The following ASPA variants were observed in gnomAD, a reference collection of about 807,000 sequenced individuals.
ASPA encodes ACY-2.
Under a neutral mutation model 29.6 loss-of-function variants are expected in ASPA, and 25 were observed. The ratio of observed to expected loss-of-function variants is 0.85; its 90% CI spans 0.62 to 1.18. ASPA has a LOEUF of 1.18. ASPA is among the 50% of genes most tolerant of loss of function. The pLI is 0.00. For missense variants in ASPA, 333 were observed against 385.7 expected, an observed-to-expected ratio of 0.86 and a Z score of 1.14; for synonymous variants, 131 against 130.3, an observed-to-expected ratio of 1.01 and a Z score of -0.04.
intron 5 of ASPA, among the ~76,000 whole-genome samples, chr17:3,497,671 G>A (rs1242101165): frequency 6.6e-6 from 1 of 152,168 alleles, no homozygotes. Flanking sequence ...GAAAACTGCG[G>A]TGATGCGGCA....
chr17:3,502,205 C>CT lies in ASPA; in HGVS notation c.*3123dup, dbSNP rs1428984292. 6.6e-6 allele frequency: 1 copy of CT among 152,088 alleles called. No homozygotes were observed. Among genetic ancestry groups the CT allele is most frequent in the African/African-American group, 2.4e-5 (1 of 41,404 alleles). The allele number at this position is 152,088 out of a possible 1,614,324, so 9.4% of individuals were successfully genotyped here. A position where few individuals can be genotyped will look rare whatever the true frequency, so the allele number is the denominator to read the frequency against. On this transcript the variant is annotated 3_prime_UTR_variant, in exon 6 of 6. Coordinates refer to ENST00000263080, the MANE Select transcript of ASPA (RefSeq NM_000049.4). ...TGCTGAAAGCTCAAATGATGGTTAG[C>CT]TTTTTTAGCAATAAAGCATTTTTAA...
chr17:3,482,930 T>TCCCTCCC (rs1189465720), intron 2 of ASPA, among the ~76,000 whole-genome samples: 1 of 119,264 alleles, frequency 8.4e-6, no homozygotes, highest in Non-Finnish European at 1.7e-5. Context: ...CCTAATGCTA[T>TCCCTCCC]CCCTCCCCCC....
At chr17:3,476,856 A>G (rs2073531729) in intron 1 of ASPA, among the ~76,000 whole-genome samples, 1 of 152,234 alleles carries the variant, frequency 6.6e-6, no homozygotes, top group African/African-American at 2.4e-5. Context: ...GTTTCAAGTA[A>G]TATTTGTTGA....
chr17:3,495,239 G>A (rs1434697984), intron 5 of ASPA, among the ~76,000 whole-genome samples: 2 of 152,214 alleles, frequency 1.3e-5, no homozygotes, highest in African/African-American at 4.8e-5. Context: ...AGATGGAAGA[G>A]AACTGGTGGA....
In ASPA at chr17:3,477,635, G is replaced by A. The variant is rs183927705; in HGVS notation, c.236+1240G>A. On this transcript the variant is annotated intron_variant, in intron 1 of 5. Transcript: ENST00000263080. The stretch of plus-strand genomic sequence containing the variant: ...GTCCGGGTAATTTTTTGTATTTTTA[G>A]TAGAGACGGGGTTTCTCCATGTTGG... Among the ~76,000 whole-genome samples, 16 of 152,046 alleles carry A rather than the reference G, an allele frequency of 1.1e-4. No individual in the cohort carries two copies. The East Asian group carries it at 2.7e-3, about 26-fold the overall frequency.
At chr17:3,496,183 G>A (rs2073905178) in intron 5 of ASPA, among the ~76,000 whole-genome samples, 1 of 152,146 alleles carries the variant, frequency 6.6e-6, no homozygotes. Flanking sequence ...GGTTAATTCT[G>A]CCAACAAATA....
At chr17:3,479,748 G>A (rs756772265) in intron 1 of ASPA, among the ~76,000 whole-genome samples, 23 of 152,024 alleles carry the variant, frequency 1.5e-4, no homozygotes, top group Non-Finnish European at 3.1e-4. Flanking sequence ...CCACCTTCCT[G>A]ATCTCATTCC....
intron 5 of ASPA, among the ~76,000 whole-genome samples, chr17:3,496,520 A>G (rs2073909253): frequency 1.3e-5 from 2 of 152,202 alleles, no homozygotes; most frequent in Admixed American, 1.3e-4. Context: ...AACTTGGAGC[A>G]TCTGAGGAAC....
intron 3 of ASPA, among the ~76,000 whole-genome samples, chr17:3,486,988 C>T (rs1400385207): frequency 3.3e-5 from 5 of 152,086 alleles, no homozygotes; most frequent in South Asian, 2.1e-4. Flanking sequence ...AATGAGACCA[C>T]GGTTAATCTG....
chr17:3,482,308 C>T (rs2073644776), intron 2 of ASPA, among the ~76,000 whole-genome samples: 1 of 152,148 alleles, frequency 6.6e-6, no homozygotes, highest in African/African-American at 2.4e-5. Context: ...CCCTCGTCCC[C>T]ATTTGATTTA....
chr17:3,483,478 G>T, intron 2 of ASPA, 21 bp from the exon 3 acceptor site: 5 of 1,600,418 alleles, frequency 3.1e-6, no homozygotes, highest in Non-Finnish European at 3.4e-6. Flanking sequence ...ACCTAAGAAA[G>T]ACGTTTTTGA....
chr17:3,478,063 T>C (rs1295548737), intron 1 of ASPA, among the ~76,000 whole-genome samples: 1 of 152,030 alleles, frequency 6.6e-6, no homozygotes, highest in African/African-American at 2.4e-5. Context: ...CGGGCACCTG[T>C]AGTCCCAGCT....
chr17:3,485,683 T>C lies in ASPA; in HGVS notation c.526+2091T>C, dbSNP rs1304108576. ...CCAGGTTGTTTTCTGACCCTCTCCT[T>C]ATCAAGACCTGTCAAAGATCTGAGA... On this transcript the variant is annotated intron_variant, in intron 3 of 5. Coordinates refer to ENST00000263080, the MANE Select transcript of ASPA (RefSeq NM_000049.4). The surrounding 1 kb of genome is among the most constrained non-coding windows in gnomAD (Gnocchi z 4.4). Among the ~76,000 whole-genome samples the C allele has an allele frequency of 6.6e-6, 1 of 152,208 alleles. No individual in the cohort carries two copies. Among genetic ancestry groups the C allele is most frequent in the African/African-American group, 2.4e-5 (1 of 41,460 alleles).
chr17:3,481,214 A>T (rs2073621690), intron 1 of ASPA, among the ~76,000 whole-genome samples: 1 of 152,196 alleles, frequency 6.6e-6, no homozygotes, highest in Non-Finnish European at 1.5e-5. Context: ...AGTGGGGGAA[A>T]AAAAGATGCA....
At chr17:3,475,263 A>G (rs2073504013), upstream of ASPA, among the ~76,000 whole-genome samples, 2 of 152,100 alleles carry the variant, frequency 1.3e-5, no homozygotes, top group African/African-American at 2.4e-5. Context: ...TTTTTGAGTA[A>G]CACAGTCCAG....
rs923985383 is a variant in ASPA, at chr17:3,489,506, G to A, written c.634+164G>A. Among the ~76,000 whole-genome samples the A allele has an allele frequency of 3.6e-4, 55 of 152,132 alleles. 2 individuals carry two copies. Among genetic ancestry groups the A allele is most frequent in the Non-Finnish European group, 4.4e-5 (3 of 68,020 alleles). On this transcript the variant is annotated intron_variant, in intron 4 of 5. Coordinates refer to ENST00000263080, the MANE Select transcript of ASPA (RefSeq NM_000049.4). ...GCCAGGATAGACACATTCAAGAAAA[G>A]CAGCTGCCAAATAAAGACTCCACAT... is the stretch of plus-strand genomic sequence containing the variant.
At chr17:3,480,130 C>T (rs184917114) in intron 1 of ASPA, among the ~76,000 whole-genome samples, 2 of 152,312 alleles carry the variant, frequency 1.3e-5, no homozygotes, top group African/African-American at 2.4e-5. Context: ...TGTGGCTGCT[C>T]ATACTTGTAA....
intron 3 of ASPA, among the ~76,000 whole-genome samples, chr17:3,484,925 T>G (rs1267525586): frequency 1.3e-5 from 2 of 152,222 alleles, no homozygotes; most frequent in Admixed American, 1.3e-4. Context: ...TATCCCCTTC[T>G]GCAGGCTGAT....
upstream of ASPA, among the ~76,000 whole-genome samples, chr17:3,474,605 C>T (rs1287545314): frequency 2.0e-5 from 3 of 152,240 alleles, no homozygotes; most frequent in South Asian, 6.2e-4. Context: ...TTAGAACAGT[C>T]ATTTTAATGC....
Sources: allele counts gnomAD v4.1 joint callset (sites outside exome capture counted in the v4.1 genomes callset), GRCh38; gene constraint gnomAD v4.1.1; non-coding constraint Gnocchi (gnomAD v3.1); transcripts MANE v1.5; gene names NCBI Gene and HGNC (gene_info 2026-07-23, HGNC 2026-07-21).